PACRG: variants seen among roughly 807,000 people sequenced by gnomAD.
PACRG encodes parkin coregulated, also known as parkin coregulated gene protein.
Under a neutral mutation model 29.7 loss-of-function variants are expected in PACRG, and 29 were observed. The observed-to-expected ratio is 0.98, with a 90% confidence interval of 0.73 to 1.33. PACRG has a LOEUF of 1.33. Among genes scored for constraint, PACRG ranks in the 40% most tolerant of loss-of-function variants. The pLI, the probability that PACRG is intolerant of heterozygous loss-of-function variation, is 0.00. For synonymous variants in PACRG, 116 were observed against 118.7 expected (o/e 0.98, Z 0.15); for missense variants, 279 against 316.2 (o/e 0.88, Z 0.89).
rs1562350584 is a variant in PACRG, at chr6:163,269,999, GAAAGAAA to G, written c.614-44827_614-44821del. Among the ~76,000 whole-genome samples the G allele has an allele frequency of 1.7e-3, 183 of 110,306 alleles. 14 individuals are homozygous for G. The highest frequency in any genetic ancestry group is 3.8e-3 in the South Asian group (11 of 2,912). The allele number at this position is 110,306 out of a possible 152,430, so 72.4% of individuals were successfully genotyped here. On this transcript the variant is annotated intron_variant, in intron 4 of 4. Transcript: ENST00000366888. ...AGAAAGAAAGAAAGAAAGAAAGAAA[GAAAGAAA>G]GGAGGGAGGGAGGGAGGGAGGAAGG... is the stretch of plus-strand genomic sequence containing the variant.
At chr6:162,738,256 T>C (rs983845775) in intron 1 of PACRG, among the ~76,000 whole-genome samples, 5 of 152,182 alleles carry the variant, frequency 3.3e-5, no homozygotes, top group Admixed American at 6.5e-5. Flanking sequence ...ATAGAGATAA[T>C]AGAAATTCAA....
At chr6:162,782,659 C>A (rs966884276) in intron 1 of PACRG, among the ~76,000 whole-genome samples, 2 of 151,622 alleles carry the variant, frequency 1.3e-5, no homozygotes, top group Non-Finnish European at 3.0e-5. Context: ...GGTTTATTTA[C>A]ATTATTTGGT....
intron 4 of PACRG, among the ~76,000 whole-genome samples, chr6:163,290,775 C>G (rs1162384535): frequency 1.3e-5 from 2 of 152,204 alleles, no homozygotes; most frequent in Admixed American, 6.5e-5. Flanking sequence ...AGCACTTAAG[C>G]TAGTGCCTTC....
intron 4 of PACRG, among the ~76,000 whole-genome samples, chr6:163,174,527 A>G (rs973355630): frequency 1.4e-4 from 21 of 152,256 alleles, no homozygotes; most frequent in African/African-American, 4.6e-4. Context: ...AGTGCCTTCA[A>G]AAATGAACCA....
chr6:163,276,659 G>A (rs1784038442), intron 4 of PACRG, among the ~76,000 whole-genome samples: 2 of 152,170 alleles, frequency 1.3e-5, no homozygotes, highest in African/African-American at 2.4e-5. Context: ...TGAGGCCTTT[G>A]GGGGGTGATT....
intron 2 of PACRG, among the ~76,000 whole-genome samples, chr6:163,038,936 A>C (rs963522166): frequency 3.9e-5 from 6 of 152,148 alleles, no homozygotes; most frequent in Non-Finnish European, 5.9e-5. Flanking sequence ...ACTAGTCCTG[A>C]ATAGAAATGA....
At chr6:162,949,816 G>A (rs1241973992) in intron 2 of PACRG, among the ~76,000 whole-genome samples, 2 of 152,134 alleles carry the variant, frequency 1.3e-5, no homozygotes, top group Admixed American at 6.5e-5. Context: ...GAAGAGGGCT[G>A]AACTGGCAGG....
At chr6:163,034,362 T>C (rs1031215145) in intron 2 of PACRG, among the ~76,000 whole-genome samples, 5 of 152,216 alleles carry the variant, frequency 3.3e-5, no homozygotes, top group African/African-American at 1.2e-4. Context: ...TAACATCCTG[T>C]AGTACCAAAC....
chr6:162,878,528 T>C (rs1793564444), intron 2 of PACRG, among the ~76,000 whole-genome samples: 1 of 152,176 alleles, frequency 6.6e-6, no homozygotes, highest in Non-Finnish European at 1.5e-5. Context: ...CTGTGTATAA[T>C]GAGATTGTTA....
chr6:162,845,986 T>G (rs1281484143), intron 2 of PACRG, among the ~76,000 whole-genome samples: 1 of 151,640 alleles, frequency 6.6e-6, no homozygotes, highest in Admixed American at 6.6e-5. Flanking sequence ...GCAGGAAAAG[T>G]AGGAGGGTAA....
chr6:163,075,525 C>A (rs1322536137), intron 3 of PACRG, among the ~76,000 whole-genome samples: 1 of 152,074 alleles, frequency 6.6e-6, no homozygotes, highest in Non-Finnish European at 1.5e-5. Flanking sequence ...CAAATAGAAT[C>A]CATCAATATA....
chr6:163,035,633 A>G (rs775977450), intron 2 of PACRG, among the ~76,000 whole-genome samples: 1 of 150,430 alleles, frequency 6.6e-6, no homozygotes. Context: ...GCGACAGAGT[A>G]AGACTCCATG....
chr6:162,733,447 T>C (rs1170866833), intron 1 of PACRG, among the ~76,000 whole-genome samples: 1 of 152,168 alleles, frequency 6.6e-6, no homozygotes, highest in Non-Finnish European at 1.5e-5. Context: ...TATCTCATAT[T>C]CTCCTACTTT....
intron 1 of PACRG, among the ~76,000 whole-genome samples, chr6:162,811,182 A>G (rs1204582914): frequency 1.3e-5 from 2 of 152,200 alleles, no homozygotes; most frequent in Admixed American, 6.5e-5. Context: ...TAAATCCTAC[A>G]TCCAGTTAAA....
At chr6:162,773,921 G>A (rs1032942891) in intron 1 of PACRG, among the ~76,000 whole-genome samples, 3 of 151,958 alleles carry the variant, frequency 2.0e-5, no homozygotes, top group Non-Finnish European at 2.9e-5. Flanking sequence ...CTTAATCCAG[G>A]TAAAGCTCTG....
intron 2 of PACRG, among the ~76,000 whole-genome samples, chr6:163,025,572 T>A (rs950993127): frequency 2.0e-5 from 3 of 152,234 alleles, no homozygotes; most frequent in Non-Finnish European, 2.9e-5. Context: ...ACCACTGTTT[T>A]AAGCAAACCA....
chr6:163,169,106 T>C (rs1778949549), intron 4 of PACRG, among the ~76,000 whole-genome samples: 2 of 152,266 alleles, frequency 1.3e-5, no homozygotes, highest in Non-Finnish European at 2.9e-5. Context: ...CTAAGTCTTC[T>C]TTTGAGCAAA....
At chr6:162,951,169 T>C (rs997341807) in intron 2 of PACRG, among the ~76,000 whole-genome samples, 3 of 152,184 alleles carry the variant, frequency 2.0e-5, no homozygotes, top group African/African-American at 7.2e-5. Flanking sequence ...GTTTGCAAAC[T>C]GGGGAGACAC....
chr6:162,924,413 T>G (rs566153731), intron 2 of PACRG, among the ~76,000 whole-genome samples: 2 of 152,246 alleles, frequency 1.3e-5, no homozygotes, highest in South Asian at 4.1e-4. Context: ...GGCTAGGACT[T>G]CCAGTACTCT....
Sources: gnomAD v4.1 joint callset for allele counts (sites outside exome capture counted in the v4.1 genomes callset) on GRCh38, gnomAD v4.1.1 for gene constraint, MANE v1.5 for transcripts, NCBI Gene and HGNC (gene_info 2026-07-23, HGNC 2026-07-21) for gene names.